The following TMEM156 variants were observed in gnomAD, a reference collection of about 807,000 sequenced individuals.
TMEM156 encodes the protein transmembrane protein 156.
Under a neutral mutation model 30.5 loss-of-function variants are expected in TMEM156, and 28 were observed. The ratio of observed to expected loss-of-function variants is 0.92; its 90% confidence interval spans 0.68 to 1.26. The LOEUF is 1.26. TMEM156 is among the 50% of genes most tolerant of loss of function. The probability of loss-of-function intolerance (pLI) is 0.00; values close to 1 mark genes in which losing one functional copy is unlikely to be tolerated. For synonymous variants in TMEM156, 137 were observed against 119.9 expected (o/e 1.14, Z -0.93); for missense variants, 351 against 340.6 (o/e 1.03, Z -0.24).
At chr4:39,022,215 A>G (rs1454201657) in intron 1 of TMEM156, among the ~76,000 whole-genome samples, 1 of 152,206 alleles carries the variant, frequency 6.6e-6, no homozygotes, top group Non-Finnish European at 1.5e-5. Context: ...GTTATGGCCA[A>G]CTGTGTTTAT....
chr4:39,026,260 G>C (rs1467921466), intron 1 of TMEM156, among the ~76,000 whole-genome samples: 1 of 151,980 alleles, frequency 6.6e-6, no homozygotes, highest in Non-Finnish European at 1.5e-5. Flanking sequence ...AAGCAAAAAA[G>C]ATATGCTACT....
At chr4:38,999,022 G>A (rs6848501) in intron 1 of TMEM156, 113 bp from the exon 2 acceptor site, 1 of 740,544 alleles carries the variant, frequency 1.4e-6, no homozygotes, top group African/African-American at 1.8e-5. Context: ...GTACATTTCA[G>A]CTTATCAGAG....
chr4:38,967,522 T>C lies in TMEM156; in HGVS notation c.*158A>G, dbSNP rs1199784766. 1 of 152,172 alleles carries C rather than the reference T, an allele frequency of 6.6e-6. No homozygotes were observed. The highest frequency in any genetic ancestry group is 2.4e-5 in the African/African-American group (1 of 41,422). The allele number at this position is 152,172 out of a possible 1,614,324, so 9.4% of individuals were successfully genotyped here. On this transcript the variant is annotated 3_prime_UTR_variant, in exon 7 of 7. Transcript: ENST00000381938. ...CTAGTTTTCATCAACCAGTCAGCAT[T>C]CCTCCTGCTTTCCAACTGTGCATCC... is the stretch of plus-strand genomic sequence containing the variant.
intron 5 of TMEM156, chr4:38,980,779 G>A (rs962226574): frequency 4.6e-6 from 1 of 216,820 alleles, no homozygotes; most frequent in Non-Finnish European, 7.9e-6. Flanking sequence ...ACATCAGGGT[G>A]GGAGGGGAGC....
rs780071070 is a variant in TMEM156, at chr4:39,023,444, G to A, written c.88+8782C>T. ...ACTTGAAATAACCCAATAGATAAAG[G>A]GACAAATGTTGTGTATTTATATGAT... On this transcript the variant is annotated intron_variant, in intron 1 of 6. Transcript: ENST00000381938. Among the ~76,000 whole-genome samples, 9 of 152,168 alleles carry A rather than the reference G, an allele frequency of 5.9e-5. No individual in the cohort carries two copies. The South Asian group carries it at 6.2e-4, about 11-fold the overall frequency.
At chr4:38,975,384 CTTT>C (rs10711049) in intron 5 of TMEM156, among the ~76,000 whole-genome samples, 11 of 97,556 alleles carry the variant, frequency 1.1e-4, no homozygotes, top group South Asian at 3.2e-4. Context: ...TTTTTCTTTT[CTTT>C]TTTTTTTTTT....
chr4:38,982,605 T>C (rs1312126403), intron 5 of TMEM156, among the ~76,000 whole-genome samples: 1 of 152,220 alleles, frequency 6.6e-6, no homozygotes, highest in African/African-American at 2.4e-5. Flanking sequence ...TTTAATAAGC[T>C]GTTATAGTGC....
At chr4:38,976,289 C>CAAAAAA (rs34271253) in intron 5 of TMEM156, among the ~76,000 whole-genome samples, 1 of 74,314 alleles carries the variant, frequency 1.3e-5, no homozygotes, top group Non-Finnish European at 2.5e-5. Context: ...GACTCCGTCT[C>CAAAAAA]AAAAAAAAAA....
intron 1 of TMEM156, among the ~76,000 whole-genome samples, chr4:39,003,498 C>G (rs1442134529): frequency 1.3e-5 from 2 of 152,056 alleles, no homozygotes; most frequent in Non-Finnish European, 2.9e-5. Flanking sequence ...CCACGCCCGG[C>G]TGATTTTGTA....
At chr4:39,004,726 C>T (rs2110000146) in intron 1 of TMEM156, among the ~76,000 whole-genome samples, 1 of 152,102 alleles carries the variant, frequency 6.6e-6, no homozygotes, top group Non-Finnish European at 1.5e-5. Flanking sequence ...TTGTGTTGTT[C>T]CATTTTTTGC....
chr4:39,030,667 T>G (rs1715456786), intron 1 of TMEM156, among the ~76,000 whole-genome samples: 1 of 152,218 alleles, frequency 6.6e-6, no homozygotes, highest in South Asian at 2.1e-4. Context: ...AAGTCATTTT[T>G]GGGATGATTA....
chr4:38,998,343 G>A (rs972707387), intron 2 of TMEM156: 4 of 166,010 alleles, frequency 2.4e-5, no homozygotes, highest in Non-Finnish European at 5.2e-5. Flanking sequence ...TCAGGAGTTC[G>A]AGACCAGCTT....
intron 6 of TMEM156, among the ~76,000 whole-genome samples, chr4:38,968,794 G>T (rs1722461500): frequency 6.6e-6 from 1 of 152,112 alleles, no homozygotes; most frequent in African/African-American, 2.4e-5. Context: ...GTTTCAATTT[G>T]GCGTATTGAG....
At chr4:39,010,626 C>A (rs1412790795) in intron 1 of TMEM156, among the ~76,000 whole-genome samples, 2 of 152,098 alleles carry the variant, frequency 1.3e-5, no homozygotes, top group Non-Finnish European at 2.9e-5. Flanking sequence ...CACCTACAAC[C>A]AACTGATCTT....
intron 3 of TMEM156, among the ~76,000 whole-genome samples, chr4:38,992,233 A>C (rs1712517153): frequency 6.6e-6 from 1 of 152,142 alleles, no homozygotes; most frequent in Non-Finnish European, 1.5e-5. Context: ...ACTGGAAGGC[A>C]CTTGCTGGTG....
intron 1 of TMEM156, among the ~76,000 whole-genome samples, chr4:39,008,958 A>G (rs936971828): frequency 2.6e-5 from 4 of 152,174 alleles, no homozygotes; most frequent in Non-Finnish European, 4.4e-5. Flanking sequence ...ACAGAGGTTC[A>G]ATGAAACAAA....
At chr4:39,027,377 C>T (rs1011847182) in intron 1 of TMEM156, among the ~76,000 whole-genome samples, 1 of 152,040 alleles carries the variant, frequency 6.6e-6, no homozygotes, top group Non-Finnish European at 1.5e-5. Flanking sequence ...TTGCTTTATC[C>T]TTTGTTTTCT....
At chr4:39,020,115 C>T (rs1462098670) in intron 1 of TMEM156, among the ~76,000 whole-genome samples, 1 of 152,168 alleles carries the variant, frequency 6.6e-6, no homozygotes, top group Middle Eastern at 3.2e-3. Context: ...TTCATTCATA[C>T]TGTTGCAAAA....
At chr4:39,032,077 A>G (rs1277183546) in intron 1 of TMEM156, 149 bp downstream of exon 1, 2 of 585,896 alleles carry the variant, frequency 3.4e-6, no homozygotes, top group Admixed American at 3.0e-5. Flanking sequence ...CAGTCAACTA[A>G]AATTGCAATC....
Sources: allele counts gnomAD v4.1 joint callset (sites outside exome capture counted in the v4.1 genomes callset), GRCh38; gene constraint gnomAD v4.1.1; transcripts MANE v1.5; gene names NCBI Gene and HGNC (gene_info 2026-07-23, HGNC 2026-07-21).